The following RPS6KA2 variants were observed in gnomAD, a reference collection of about 807,000 sequenced individuals.
The protein encoded by RPS6KA2 is ribosomal protein S6 kinase alpha-2.
RPS6KA2 carries 42 observed loss-of-function variants against 91.8 expected under a neutral mutation model. That is an observed-to-expected ratio of 0.46 (90% CI 0.36 to 0.59). RPS6KA2 has a LOEUF of 0.59. RPS6KA2 is among the 20% of genes least tolerant of loss of function. The pLI is 0.00. For synonymous variants in RPS6KA2, 414 were observed against 393.6 expected (o/e 1.05, Z -0.61); for missense variants, 798 against 978.5 (o/e 0.82, Z 2.46).
intron 2 of RPS6KA2, among the ~76,000 whole-genome samples, chr6:166,828,665 C>A (rs1317854186): frequency 1.3e-5 from 2 of 152,144 alleles, no homozygotes; most frequent in African/African-American, 2.4e-5. Flanking sequence ...ATATCATACA[C>A]AAAAATTGAC....
At chr6:166,779,128 C>T (rs967388135) in intron 2 of RPS6KA2, among the ~76,000 whole-genome samples, 1 of 152,162 alleles carries the variant, frequency 6.6e-6, no homozygotes, top group Non-Finnish European at 1.5e-5. Context: ...AAACATTGAA[C>T]GTAATCTAAC....
At chr6:166,664,854 G>T (rs191568380) in intron 2 of RPS6KA2, among the ~76,000 whole-genome samples, 1 of 152,318 alleles carries the variant, frequency 6.6e-6, no homozygotes, top group Non-Finnish European at 1.5e-5. Flanking sequence ...GATATGAGGT[G>T]CAGAGAGCCA....
intron 1 of RPS6KA2, among the ~76,000 whole-genome samples, chr6:166,551,333 C>T (rs1314168736): frequency 6.6e-6 from 1 of 152,198 alleles, no homozygotes; most frequent in African/African-American, 2.4e-5. Context: ...ACTACTTTTT[C>T]AGTTTCCTGC....
At chr6:166,547,095 AT>A (rs1783850698) in intron 1 of RPS6KA2, among the ~76,000 whole-genome samples, 1 of 152,118 alleles carries the variant, frequency 6.6e-6, no homozygotes, top group African/African-American at 2.4e-5. Context: ...ATTAGTTTCT[AT>A]TTCAAGTGTA....
In RPS6KA2 at chr6:166,460,867, A is replaced by G. The variant is rs1452003507; in HGVS notation, c.973-1316T>C. Reference sequence around the variant, plus strand: ...GAAAATGGACACAGTGACTCCAGCTAAAACCTGTTCTACATCTCTGGAAAG... The same window carrying G: ...GAAAATGGACACAGTGACTCCAGCTGAAACCTGTTCTACATCTCTGGAAAG... On this transcript the variant is annotated intron_variant, in intron 11 of 20. Transcript: ENST00000265678. 3.3e-5 allele frequency: 5 copies of G among 152,294 alleles called. 1 individual carries two copies. The South Asian group carries it at 1.0e-3, about 32-fold the overall frequency. 9.4% of individuals were successfully genotyped at this position (152,294 alleles called of 1,614,324 possible).
At chr6:166,748,076 G>T (rs1024051391) in intron 2 of RPS6KA2, among the ~76,000 whole-genome samples, 3 of 152,188 alleles carry the variant, frequency 2.0e-5, no homozygotes, top group East Asian at 1.9e-4. Flanking sequence ...CTGGACAGGG[G>T]GTGGTGACCA....
At chr6:166,539,440 G>A (rs1783585666) in intron 1 of RPS6KA2, among the ~76,000 whole-genome samples, 1 of 152,208 alleles carries the variant, frequency 6.6e-6, no homozygotes, top group African/African-American at 2.4e-5. Context: ...GACAGCAAAA[G>A]CATATTGACG....
At chr6:166,800,321 C>T (rs1026675091) in intron 2 of RPS6KA2, among the ~76,000 whole-genome samples, 5 of 152,178 alleles carry the variant, frequency 3.3e-5, no homozygotes, top group African/African-American at 1.2e-4. Flanking sequence ...GGGAGCAGCC[C>T]AGCTCCCGGA....
At chr6:166,510,798 G>A (rs1004151738) in intron 3 of RPS6KA2, among the ~76,000 whole-genome samples, 2 of 151,368 alleles carry the variant, frequency 1.3e-5, no homozygotes, top group Non-Finnish European at 2.9e-5. Context: ...TCCCCTCCAC[G>A]TCGTTTTCCC....
intron 2 of RPS6KA2, among the ~76,000 whole-genome samples, chr6:166,647,782 A>ACG (rs1562362394): frequency 6.6e-6 from 1 of 151,300 alleles, no homozygotes; most frequent in Non-Finnish European, 1.5e-5. Context: ...TCATACACAC[A>ACG]CATGCACATG....
chr6:166,862,299 G>A, exon 1 of RPS6KA2: 1 of 1,564,016 alleles, frequency 6.4e-7, no homozygotes, highest in Non-Finnish European at 8.6e-7. Flanking sequence ...CCGGCGGGTG[G>A]CGGCGATGGA....
At chr6:166,550,577 C>T (rs537888671) in intron 1 of RPS6KA2, among the ~76,000 whole-genome samples, 9 of 152,286 alleles carry the variant, frequency 5.9e-5, no homozygotes, top group East Asian at 1.9e-4. Flanking sequence ...GCAATATGGA[C>T]GGCAACATGC....
intron 1 of RPS6KA2, among the ~76,000 whole-genome samples, chr6:166,593,218 A>G (rs3778380): frequency 0.088 from 13,461 of 152,296 alleles, 715 homozygotes; most frequent in East Asian, 0.26. Flanking sequence ...TTTGGAAGAA[A>G]AATTCTTTAT....
intron 19 of RPS6KA2, among the ~76,000 whole-genome samples, chr6:166,416,574 C>A (rs1189728756): frequency 2.6e-5 from 4 of 151,930 alleles, no homozygotes; most frequent in East Asian, 3.9e-4. Flanking sequence ...AAAATGATCA[C>A]CTCCACGATC....
intron 2 of RPS6KA2, among the ~76,000 whole-genome samples, chr6:166,700,708 T>C (rs1789485202): frequency 6.6e-6 from 1 of 152,072 alleles, no homozygotes; most frequent in Non-Finnish European, 1.5e-5. Flanking sequence ...ATTTTAACAA[T>C]TGGATTTAGG....
chr6:166,786,495 A>G (rs989579216), intron 2 of RPS6KA2, among the ~76,000 whole-genome samples: 1 of 143,190 alleles, frequency 7.0e-6, no homozygotes, highest in Admixed American at 6.8e-5. Flanking sequence ...CGGATGCAAA[A>G]AAAAAAATTC....
At chr6:166,478,936 C>T (rs1055918241) in intron 10 of RPS6KA2, among the ~76,000 whole-genome samples, 132 of 152,336 alleles carry the variant, frequency 8.7e-4, no homozygotes, top group South Asian at 2.1e-4. Context: ...TGAAGCCATC[C>T]GCTCAGGCCC....
intron 2 of RPS6KA2, among the ~76,000 whole-genome samples, chr6:166,773,038 C>A (rs1443396353): frequency 4.6e-5 from 7 of 152,210 alleles, no homozygotes; most frequent in African/African-American, 1.7e-4. Context: ...ATCCTCTCTA[C>A]ACCATGGTCA....
At chr6:166,458,971 A>C (rs1780188779) in intron 12 of RPS6KA2, among the ~76,000 whole-genome samples, 1 of 152,226 alleles carries the variant, frequency 6.6e-6, no homozygotes, top group Non-Finnish European at 1.5e-5. Flanking sequence ...ACACCAGGAG[A>C]CCAAATCTAT....
Sources: allele counts gnomAD v4.1 joint callset (sites outside exome capture counted in the v4.1 genomes callset), GRCh38; gene constraint gnomAD v4.1.1; transcripts MANE v1.5; gene names NCBI Gene and HGNC (gene_info 2026-07-23, HGNC 2026-07-21).